AGPAT1: variants seen among roughly 807,000 people sequenced by gnomAD.
AGPAT1 encodes 1-acylglycerol-3-phosphate O-acyltransferase 1.
Under a neutral mutation model 31.2 loss-of-function variants are expected in AGPAT1, and 6 were observed. The ratio of observed to expected loss-of-function variants is 0.19; its 90% CI spans 0.11 to 0.38. The LOEUF (loss-of-function observed/expected upper bound fraction) is 0.38, where lower values mean the gene tolerates loss of function less well. Among genes scored for constraint, AGPAT1 ranks in the 10% least tolerant of loss-of-function variants. The pLI is 1.00. For synonymous variants in AGPAT1, 139 were observed against 154.0 expected, an observed-to-expected ratio of 0.90 and a Z score of 0.72; for missense variants, 187 against 377.8, an observed-to-expected ratio of 0.49 and a Z score of 4.19.
chr6:32,177,299 T>G (rs1785652857), upstream of AGPAT1: 33 of 377,586 alleles, frequency 8.7e-5, no homozygotes, highest in East Asian at 1.5e-4. Context: ...CTCCCCGGGG[T>G]CCAACCTGGG....
In AGPAT1 at chr6:32,170,805, G is replaced by T; in HGVS notation, c.334+132C>A. On this transcript the variant is annotated intron_variant, in intron 3 of 6. Coordinates refer to ENST00000375107, the MANE Select transcript of AGPAT1 (RefSeq NM_006411.4). The surrounding 1 kb of genome is among the most constrained non-coding windows in gnomAD (Gnocchi z 7.7). Reference sequence around the variant, plus strand: ...GGGCAGTTCTACCCAGGGAATGAAGGCCTGAGTGGGAGGCAAGGGGGCAAT... The same window carrying T: ...GGGCAGTTCTACCCAGGGAATGAAGTCCTGAGTGGGAGGCAAGGGGGCAAT... 2.3e-6 allele frequency: 3 copies of T among 1,305,630 alleles called. No homozygotes were observed. Among genetic ancestry groups the T allele is most frequent in the Non-Finnish European group, 3.2e-6 (3 of 929,122 alleles). The allele number at this position is 1,305,630 out of a possible 1,614,324, so 80.9% of individuals were successfully genotyped here. A position where few individuals can be genotyped will look rare whatever the true frequency, so the allele number is the denominator to read the frequency against.
At chr6:32,176,245 T>G, upstream of AGPAT1, 2 of 744,760 alleles carry the variant, frequency 2.7e-6, no homozygotes, top group Non-Finnish European at 3.3e-6. Context: ...CCCAGGGCTC[T>G]CCCTCGGTCT....
rs1057162956 is a variant in AGPAT1 at position 32,173,871 on chromosome 6, C to G, written c.-10+1943G>C. ...CCCCAGATCTACTGAATCAGAAATT[C>G]TGGGCATTAGGTCCAGCAATCTGTT... is the stretch of plus-strand genomic sequence containing the variant. On this transcript the variant is annotated intron_variant, in intron 1 of 6. Coordinates refer to ENST00000375107, the MANE Select transcript of AGPAT1 (RefSeq NM_006411.4). The surrounding 1 kb of genome is among the most constrained non-coding windows in gnomAD (Gnocchi z 4.7). Among the ~76,000 whole-genome samples, 1 of 152,206 alleles carries G rather than the reference C, an allele frequency of 6.6e-6. No homozygotes were observed. Among genetic ancestry groups the G allele is most frequent in the African/African-American group, 2.4e-5 (1 of 41,450 alleles).
chr6:32,174,054 C>T lies in AGPAT1; in HGVS notation c.-10+1760G>A, dbSNP rs758406996. On this transcript the variant is annotated intron_variant, in intron 1 of 6. Coordinates refer to ENST00000375107, the MANE Select transcript of AGPAT1 (RefSeq NM_006411.4). This position sits in a 1 kb window ranked among gnomAD's most constrained non-coding sequence, Gnocchi z 4.5. The stretch of plus-strand genomic sequence containing the variant: ...CAAGCCCTCTGGTGAGTCTGATGTG[C>T]GCCTGAATTTAAGAACCACTGATCT... Among the ~76,000 whole-genome samples the T allele has an allele frequency of 2.6e-5, 4 of 152,110 alleles. No individual in the cohort carries two copies. The highest frequency in any genetic ancestry group is 2.1e-4 in the South Asian group (1 of 4,824).
At position 32,169,315 on chromosome 6, in the gene AGPAT1, A is replaced by G; in HGVS notation, c.813T>C (p.Gly271=). Residue 271 remains glycine (G), a synonymous_variant, in exon 7 of 7, where the codon GGT becomes GGC. Transcript: ENST00000375107. The surrounding 1 kb of genome is among the most constrained non-coding windows in gnomAD (Gnocchi z 5.9). ...CAGGCTTCTTCAGATAGTCACCACC[A>G]CCCCGGCCATCAGTGGAGATTTCCC... The part of the protein sequence containing the change: ...VFREISTDGR[G]GGDYLKKPGG... The G allele has an allele frequency of 6.2e-7, 1 of 1,612,884 alleles. No individual in the cohort carries two copies. The highest frequency in any genetic ancestry group is 1.1e-5 in the South Asian group (1 of 91,086).
Position 32,169,172 on chromosome 6 carries a change from AGG to A in AGPAT1, c.*102_*103del. 8.3e-7 allele frequency: 1 copy of A among 1,202,272 alleles called. No individual in the cohort carries two copies. The highest frequency in any genetic ancestry group is 1.2e-6 in the Non-Finnish European group (1 of 841,368). 74.5% of individuals were successfully genotyped at this position (1,202,272 alleles called of 1,614,324 possible). The stretch of plus-strand genomic sequence containing the variant: ...TCCAAAGAGGAGAATAAGTGGGGAG[AGG>A]GGAGACAAGGAAGAGGGTTTGGCCC... On this transcript the variant is annotated 3_prime_UTR_variant, in exon 7 of 7. Transcript: ENST00000375107. This position sits in a 1 kb window ranked among gnomAD's most constrained non-coding sequence, Gnocchi z 5.9.
rs1008655790 is a variant in AGPAT1 at position 32,170,033 on chromosome 6, G to A, written c.612C>T (p.Pro204=). The stretch of plus-strand genomic sequence containing the variant: ...AGGAGGACATGACTATGGGGACAAT[G>A]GGAACCTGGGGAAGGGTTAAAGCAG... ...AFHLAVQAQV[P]IVPIVMSSYQ... The change falls in exon 6 of 7, where the codon CCC becomes CCT. Residue 204 remains proline, a synonymous_variant. Coordinates refer to ENST00000375107, the MANE Select transcript of AGPAT1 (RefSeq NM_006411.4). This position sits in a 1 kb window ranked among gnomAD's most constrained non-coding sequence, Gnocchi z 7.7. 4 of 1,614,020 alleles carry A rather than the reference G, an allele frequency of 2.5e-6. No individual in the cohort carries two copies. The South Asian group carries it at 4.4e-5, about 18-fold the overall frequency.
At position 32,170,922 on chromosome 6, in the gene AGPAT1, G is replaced by A. The variant is rs1312687719; in HGVS notation, c.334+15C>T. On this transcript the variant is annotated intron_variant, in intron 3 of 6. Coordinates refer to ENST00000375107, the MANE Select transcript of AGPAT1 (RefSeq NM_006411.4). The surrounding 1 kb of genome is among the most constrained non-coding windows in gnomAD (Gnocchi z 7.7). ...GGCATGGCTGGGGGAGGTGTGCCCT[G>A]TGGTGGGGTCTCACCAAGCAGATCG... 6.2e-7 allele frequency: 1 copy of A among 1,604,280 alleles called. No homozygotes were observed. The highest frequency in any genetic ancestry group is 1.3e-5 in the African/African-American group (1 of 74,756).
chr6:32,176,899 T>C, upstream of AGPAT1: 3 of 397,872 alleles, frequency 7.5e-6, no homozygotes, highest in East Asian at 3.6e-5. Flanking sequence ...CCGATTCCTC[T>C]GGAATGCGCG....
chr6:32,172,951 A>G lies in AGPAT1; in HGVS notation c.-9-1446T>C, dbSNP rs916480735. On this transcript the variant is annotated intron_variant, in intron 1 of 6. Transcript: ENST00000375107. This position sits in a 1 kb window ranked among gnomAD's most constrained non-coding sequence, Gnocchi z 4.3. ...TTATGGACATACCTGGAATAGCTACAAAGACCAATCCTACCTCCAGACAGG... is the reference window on the plus strand; with the variant it reads ...TTATGGACATACCTGGAATAGCTACGAAGACCAATCCTACCTCCAGACAGG... The G allele has an allele frequency of 1.3e-5, 2 of 152,216 alleles. No homozygotes were observed. Among genetic ancestry groups the G allele is most frequent in the African/African-American group, 4.8e-5 (2 of 41,438 alleles). The allele number at this position is 152,216 out of a possible 1,614,324, so 9.4% of individuals were successfully genotyped here. A position where few individuals can be genotyped will look rare whatever the true frequency, so the allele number is the denominator to read the frequency against.
upstream of AGPAT1, chr6:32,176,808 A>G (rs891907562): frequency 2.6e-6 from 1 of 389,442 alleles, no homozygotes; most frequent in Non-Finnish European, 4.5e-6. Flanking sequence ...CTCACAACAT[A>G]CAATATGGGT....
rs780102338 is a variant in AGPAT1, at chr6:32,170,367, A to G, written c.510+58T>C. 1 of 1,612,560 alleles carries G rather than the reference A, an allele frequency of 6.2e-7. No homozygotes were observed. On this transcript the variant is annotated intron_variant, in intron 4 of 6. Coordinates refer to ENST00000375107, the MANE Select transcript of AGPAT1 (RefSeq NM_006411.4). The surrounding 1 kb of genome is among the most constrained non-coding windows in gnomAD (Gnocchi z 7.7). ...GCCCACTGGCCCTGCATATCAGTTT[A>G]TTTACAACTGTTCTACTCTGTATCC...
rs919057091 is a variant in AGPAT1, at chr6:32,174,550, A to G, written c.-10+1264T>C. Reference sequence around the variant, plus strand: ...AATGGAGGATAATGTCCATAAATAAATACCAACAATGGGGTTCACAGCAGG... The same window carrying G: ...AATGGAGGATAATGTCCATAAATAAGTACCAACAATGGGGTTCACAGCAGG... On this transcript the variant is annotated intron_variant, in intron 1 of 6. Coordinates refer to ENST00000375107, the MANE Select transcript of AGPAT1 (RefSeq NM_006411.4). This position sits in a 1 kb window ranked among gnomAD's most constrained non-coding sequence, Gnocchi z 4.5. Among the ~76,000 whole-genome samples the G allele has an allele frequency of 6.6e-6, 1 of 152,230 alleles. No homozygotes were observed. The highest frequency in any genetic ancestry group is 1.5e-5 in the Non-Finnish European group (1 of 68,046).
chr6:32,169,870 TCATGGCTCTGA>T lies in AGPAT1; in HGVS notation c.679+85_679+95del. On this transcript the variant is annotated intron_variant, in intron 6 of 6. Coordinates refer to ENST00000375107, the MANE Select transcript of AGPAT1 (RefSeq NM_006411.4). This position sits in a 1 kb window ranked among gnomAD's most constrained non-coding sequence, Gnocchi z 5.9. ...TAGACTAGATGACTGTGTAGACATC[TCATGGCTCTGA>T]CACTGAATGATCCCCCTGCCTCACA... is the stretch of plus-strand genomic sequence containing the variant. 6 of 1,146,686 alleles carry T rather than the reference TCATGGCTCTGA, an allele frequency of 5.2e-6. No individual in the cohort carries two copies. The Middle Eastern group carries it at 1.1e-3, about 217-fold the overall frequency. 71.0% of individuals were successfully genotyped at this position (1,146,686 alleles called of 1,614,324 possible).
Position 32,175,909 on chromosome 6 carries a change from T to G in AGPAT1, c.-105A>C, listed in dbSNP as rs1251644768. ...GGCTGTGTCTCTGTCTCTGTCGGGG[T>G]GTCGGTGCCAAGGGGGCGACGGGAT... is the stretch of plus-strand genomic sequence containing the variant. On this transcript the variant is annotated 5_prime_UTR_variant, in exon 1 of 7. Coordinates refer to ENST00000375107, the MANE Select transcript of AGPAT1 (RefSeq NM_006411.4). This position sits in a 1 kb window ranked among gnomAD's most constrained non-coding sequence, Gnocchi z 4.5. 1 of 985,740 alleles carries G rather than the reference T, an allele frequency of 1.0e-6. No homozygotes were observed. Among genetic ancestry groups the G allele is most frequent in the Non-Finnish European group, 1.2e-6 (1 of 830,432 alleles). The allele number at this position is 985,740 out of a possible 1,614,324, so 61.1% of individuals were successfully genotyped here.
In AGPAT1 at chr6:32,170,389, A is replaced by T; in HGVS notation, c.510+36T>A. 2.5e-6 allele frequency: 4 copies of T among 1,613,670 alleles called. No individual in the cohort carries two copies. In the South Asian group the frequency reaches 4.4e-5, roughly 18 times the overall value. The stretch of plus-strand genomic sequence containing the variant: ...TTTATTTACAACTGTTCTACTCTGT[A>T]TCCCTCCAATCCCCCATTTCCCCAG... On this transcript the variant is annotated intron_variant, in intron 4 of 6. Transcript: ENST00000375107. The surrounding 1 kb of genome is among the most constrained non-coding windows in gnomAD (Gnocchi z 7.7).
rs776057141 is a variant in AGPAT1 at position 32,175,656 on chromosome 6, C to T, written c.-10+158G>A. On this transcript the variant is annotated intron_variant, in intron 1 of 6. Coordinates refer to ENST00000375107, the MANE Select transcript of AGPAT1 (RefSeq NM_006411.4). The surrounding 1 kb of genome is among the most constrained non-coding windows in gnomAD (Gnocchi z 4.5). ...CCTTCCTCCCTCTCAGGTCCCCTCTCCTATCCCCAGCAACCCTCTTCCCAG... is the reference window on the plus strand; with the variant it reads ...CCTTCCTCCCTCTCAGGTCCCCTCTTCTATCCCCAGCAACCCTCTTCCCAG... 6.6e-6 allele frequency among the ~76,000 whole-genome samples: 1 copy of T among 152,126 alleles called. No homozygotes were observed. Among genetic ancestry groups the T allele is most frequent in the Admixed American group, 6.5e-5 (1 of 15,284 alleles).
In AGPAT1 at chr6:32,169,636, AG is replaced by A. The variant is rs1166436607; in HGVS notation, c.680-189del. On this transcript the variant is annotated intron_variant, in intron 6 of 6. Coordinates refer to ENST00000375107, the MANE Select transcript of AGPAT1 (RefSeq NM_006411.4). The surrounding 1 kb of genome is among the most constrained non-coding windows in gnomAD (Gnocchi z 5.9). ...CTATACAAAGCCTTCTCCAATCCCC[AG>A]TTCAGACATCTCCTCAGCACCCCTC... 2.9e-6 allele frequency: 2 copies of A among 687,120 alleles called. No homozygotes were observed. Among genetic ancestry groups the A allele is most frequent in the Non-Finnish European group, 4.8e-6 (2 of 416,130 alleles). The allele number at this position is 687,120 out of a possible 1,614,324, so 42.6% of individuals were successfully genotyped here. A position where few individuals can be genotyped will look rare whatever the true frequency, so the allele number is the denominator to read the frequency against.
chr6:32,169,570 C>G lies in AGPAT1; in HGVS notation c.680-122G>C, dbSNP rs1784872055. On this transcript the variant is annotated intron_variant, in intron 6 of 6. Coordinates refer to ENST00000375107, the MANE Select transcript of AGPAT1 (RefSeq NM_006411.4). The surrounding 1 kb of genome is among the most constrained non-coding windows in gnomAD (Gnocchi z 5.9). ...TTCTCTTCCCCCAACCCTGGACAACCATCCCTGGGCTTGCCAGCTGCCACT... is the reference window on the plus strand; with the variant it reads ...TTCTCTTCCCCCAACCCTGGACAACGATCCCTGGGCTTGCCAGCTGCCACT... 1 of 1,253,692 alleles carries G rather than the reference C, an allele frequency of 8.0e-7. No homozygotes were observed. The highest frequency in any genetic ancestry group is 2.4e-5 in the Admixed American group (1 of 42,090). The allele number at this position is 1,253,692 out of a possible 1,614,324, so 77.7% of individuals were successfully genotyped here. A position where few individuals can be genotyped will look rare whatever the true frequency, so the allele number is the denominator to read the frequency against.
Sources: allele counts gnomAD v4.1 joint callset (sites outside exome capture counted in the v4.1 genomes callset), GRCh38; gene constraint gnomAD v4.1.1; non-coding constraint Gnocchi (gnomAD v3.1); transcripts MANE v1.5; gene names NCBI Gene and HGNC (gene_info 2026-07-23, HGNC 2026-07-21).